FBXO44: variants seen among roughly 807,000 people sequenced by gnomAD.
FBXO44 encodes F-box protein 44, also known as F-box only protein 44.
FBXO44 carries 25 observed loss-of-function variants against 33.5 expected under a neutral mutation model. That is an observed-to-expected ratio of 0.75 (90% CI 0.54 to 1.04). The LOEUF (loss-of-function observed/expected upper bound fraction) is 1.04. FBXO44 is among the 50% of genes least tolerant of loss of function. The pLI, the probability that FBXO44 is intolerant of heterozygous loss-of-function variation, is 0.00. For synonymous variants in FBXO44, 147 were observed against 152.8 expected (o/e 0.96, Z 0.28); for missense variants, 311 against 344.0 (o/e 0.90, Z 0.76).
Position 11,658,356 on chromosome 1 carries a change from A to T in FBXO44, c.355A>T (p.Asn119Tyr). Residue 119 changes from asparagine to tyrosine, a missense_variant, in exon 3 of 6, where the codon AAT becomes TAT. By Grantham distance (143) the Asn-to-Tyr change is moderately radical (BLOSUM62 -2). Transcript: ENST00000251547. The stretch of plus-strand genomic sequence containing the variant: ...TCGAGACCAGAGGAAGGAATTCCCC[A>T]ATGACCAGGTCAAGAAATACTTCGT... The part of the protein sequence containing the change: ...LSRDQRKEFP[N>Y]DQVKKYFVTS... The T allele has an allele frequency of 6.2e-7, 1 of 1,613,624 alleles. No homozygotes were observed.
chr1:11,658,013 C>T (rs565633059), intron 2 of FBXO44, among the ~76,000 whole-genome samples: 4 of 152,318 alleles, frequency 2.6e-5, no homozygotes, highest in South Asian at 4.1e-4. Flanking sequence ...CACATCAGAG[C>T]GTTCTCCATC....
chr1:11,656,812 G>A (rs141369049), intron 2 of FBXO44, among the ~76,000 whole-genome samples: 98 of 152,258 alleles, frequency 6.4e-4, no homozygotes, highest in African/African-American at 2.3e-3. Context: ...CCTAGGCGAG[G>A]GAATGTTGGC....
intron 5 of FBXO44, among the ~76,000 whole-genome samples, chr1:11,659,442 G>A (rs1640043410): frequency 6.6e-6 from 1 of 152,158 alleles, no homozygotes; most frequent in African/African-American, 2.4e-5. Flanking sequence ...CTAATTACTA[G>A]TATTGATTAC....
At position 11,655,883 on chromosome 1, in the gene FBXO44, G is replaced by A. The variant is rs1446640793; in HGVS notation, c.48G>A (p.Glu16=). Reference sequence around the variant, plus strand: ...AGCTGCCCGAGAACATCCTGCTGGAGCTGTTCACGCACGTGCCCGCCCGCC... The same window carrying A: ...AGCTGCCCGAGAACATCCTGCTGGAACTGTTCACGCACGTGCCCGCCCGCC... ...INELPENILL[E]LFTHVPARQL... Residue 16 remains glutamate (E), a synonymous_variant, in exon 2 of 6, where the codon GAG becomes GAA. Coordinates refer to ENST00000251547, the MANE Select transcript of FBXO44 (RefSeq NM_033182.7). 6.8e-6 allele frequency: 11 copies of A among 1,613,870 alleles called. No individual in the cohort carries two copies. Among genetic ancestry groups the A allele is most frequent in the Admixed American group, 1.7e-5 (1 of 59,996 alleles).
rs978377802 is a variant in FBXO44, at chr1:11,662,016, T to C, written c.*743T>C. On this transcript the variant is annotated 3_prime_UTR_variant, in exon 6 of 6. Coordinates refer to ENST00000251547, the MANE Select transcript of FBXO44 (RefSeq NM_033182.7). The stretch of plus-strand genomic sequence containing the variant: ...GTCCCAGGGTAGATGGGGAGCAGGA[T>C]TGGGACCTGCTCTGACAGCTGGACA... The C allele has an allele frequency of 1.3e-4, 20 of 152,240 alleles. No homozygotes were observed. Among genetic ancestry groups the C allele is most frequent in the African/African-American group, 4.8e-4 (20 of 41,412 alleles). The allele number at this position is 152,240 out of a possible 1,614,324, so 9.4% of individuals were successfully genotyped here. A position where few individuals can be genotyped will look rare whatever the true frequency, so the allele number is the denominator to read the frequency against.
In FBXO44 at chr1:11,662,026, C is replaced by T. The variant is rs1428917188; in HGVS notation, c.*753C>T. 6.6e-6 allele frequency: 1 copy of T among 152,270 alleles called. No homozygotes were observed. The highest frequency in any genetic ancestry group is 2.4e-5 in the African/African-American group (1 of 41,442). 9.4% of individuals were successfully genotyped at this position (152,270 alleles called of 1,614,324 possible). ...AGATGGGGAGCAGGATTGGGACCTG[C>T]TCTGACAGCTGGACACATGAGCCCT... is the stretch of plus-strand genomic sequence containing the variant. On this transcript the variant is annotated 3_prime_UTR_variant, in exon 6 of 6. Transcript: ENST00000251547.
intron 4 of FBXO44, 27 bp downstream of exon 4, chr1:11,658,655 G>C (rs1639976647): frequency 6.2e-7 from 1 of 1,608,368 alleles, no homozygotes; most frequent in African/African-American, 1.3e-5. Flanking sequence ...AGGGTCTGGG[G>C]TGGGGCATGC....
chr1:11,657,340 G>A (rs527799018), intron 2 of FBXO44, among the ~76,000 whole-genome samples: 1 of 152,286 alleles, frequency 6.6e-6, no homozygotes, highest in Non-Finnish European at 1.5e-5. Flanking sequence ...AGACAACTGA[G>A]GCTCAGAGAG....
Position 11,654,964 on chromosome 1 carries a change from G to T in FBXO44, c.-31+12G>T, listed in dbSNP as rs1265171585. ...GCGGCCGAGCGCAGGTGACCGGCAG[G>T]AGGGGGCGCGGGGGGCGCTGGGGAG... On this transcript the variant is annotated intron_variant, in intron 1 of 5. Coordinates refer to ENST00000251547, the MANE Select transcript of FBXO44 (RefSeq NM_033182.7). 1 of 150,108 alleles carries T rather than the reference G, an allele frequency of 6.7e-6. No homozygotes were observed. Among genetic ancestry groups the T allele is most frequent in the African/African-American group, 2.5e-5 (1 of 40,620 alleles). 9.3% of individuals were successfully genotyped at this position (150,108 alleles called of 1,614,324 possible). A position where few individuals can be genotyped will look rare whatever the true frequency, so the allele number is the denominator to read the frequency against.
chr1:11,661,594 G>A lies in FBXO44; in HGVS notation c.*321G>A. The A allele has an allele frequency of 1.3e-5, 5 of 388,160 alleles. No homozygotes were observed. The highest frequency in any genetic ancestry group is 4.7e-6 in the Non-Finnish European group (1 of 214,204). The allele number at this position is 388,160 out of a possible 1,614,324, so 24.0% of individuals were successfully genotyped here. On this transcript the variant is annotated 3_prime_UTR_variant, in exon 6 of 6. Coordinates refer to ENST00000251547, the MANE Select transcript of FBXO44 (RefSeq NM_033182.7). This position sits in a 1 kb window ranked among gnomAD's most constrained non-coding sequence, Gnocchi z 4.4. Reference sequence around the variant, plus strand: ...GAAAGTCGAGCTTGGAGGCCAGCCTGGATCTGTCTCTCCCTTCCCCTCCTG... The same window carrying A: ...GAAAGTCGAGCTTGGAGGCCAGCCTAGATCTGTCTCTCCCTTCCCCTCCTG...
Position 11,661,410 on chromosome 1 carries a change from G to T in FBXO44, c.*137G>T. 7.4e-7 allele frequency: 1 copy of T among 1,343,066 alleles called. No homozygotes were observed. The highest frequency in any genetic ancestry group is 2.4e-5 in the East Asian group (1 of 41,954). 83.2% of individuals were successfully genotyped at this position (1,343,066 alleles called of 1,614,324 possible). A position where few individuals can be genotyped will look rare whatever the true frequency, so the allele number is the denominator to read the frequency against. On this transcript the variant is annotated 3_prime_UTR_variant, in exon 6 of 6. Coordinates refer to ENST00000251547, the MANE Select transcript of FBXO44 (RefSeq NM_033182.7). The surrounding 1 kb of genome is among the most constrained non-coding windows in gnomAD (Gnocchi z 4.4). ...TTGCCCCTAGCAGCCTCTTCTTTGT[G>T]GAGCCTCTCAGTGTGGGCAGCCCTC...
rs1044642175 is a variant in FBXO44, at chr1:11,658,819, T to G, written c.572T>G (p.Phe191Cys). Reference sequence around the variant, plus strand: ...TCCGCGCACGCGCCTCTGGGGACCTTCCAGCCAGACCCGGCGACCATCCAG... The same window carrying G: ...TCCGCGCACGCGCCTCTGGGGACCTGCCAGCCAGACCCGGCGACCATCCAG... ...LSSAHAPLGTFQPDPATIQQK... is the reference protein window; with the variant it reads ...LSSAHAPLGTCQPDPATIQQK... The change falls in exon 5 of 6, where the codon TTC becomes TGC. Residue 191 changes from phenylalanine (F) to cysteine (C), a missense_variant. Phe to Cys is a radical substitution (Grantham distance 205, BLOSUM62 -2). Coordinates refer to ENST00000251547, the MANE Select transcript of FBXO44 (RefSeq NM_033182.7). 8.1e-6 allele frequency: 13 copies of G among 1,613,138 alleles called. No individual in the cohort carries two copies. Among genetic ancestry groups the G allele is most frequent in the Non-Finnish European group, 1.1e-5 (13 of 1,179,988 alleles).
In FBXO44 at chr1:11,658,790, G is replaced by A. The variant is rs763495084; in HGVS notation, c.543G>A (p.Leu181=). 41 of 1,613,822 alleles carry A rather than the reference G, an allele frequency of 2.5e-5. No homozygotes were observed. Among genetic ancestry groups the A allele is most frequent in the Non-Finnish European group, 3.3e-5 (39 of 1,180,014 alleles). ...AGTACCAGCTGTGCGTTCAGCTCCT[G>A]TCGTCCGCGCACGCGCCTCTGGGGA... ...GSKYQLCVQL[L]SSAHAPLGTF... Residue 181 remains leucine (L), a synonymous_variant, in exon 5 of 6, where the codon CTG becomes CTA. Coordinates refer to ENST00000251547, the MANE Select transcript of FBXO44 (RefSeq NM_033182.7).
At chr1:11,656,611 G>A (rs1379220669) in intron 2 of FBXO44, among the ~76,000 whole-genome samples, 8 of 141,000 alleles carry the variant, frequency 5.7e-5, no homozygotes, top group East Asian at 1.9e-4. Context: ...ACCGGTGCCC[G>A]CCACCACGCC....
chr1:11,656,464 A>AT lies in FBXO44; in HGVS notation c.265+380dup, dbSNP rs35902161. On this transcript the variant is annotated intron_variant, in intron 2 of 5. Coordinates refer to ENST00000251547, the MANE Select transcript of FBXO44 (RefSeq NM_033182.7). ...AGGCATGTGCCACCACACCTGGCTA[A>AT]TTTTTTTTTTTTTTTTAGATGGAGT... Among the ~76,000 whole-genome samples the AT allele has an allele frequency of 7.0e-4, 100 of 141,922 alleles. 2 individuals are homozygous for AT. Among genetic ancestry groups the AT allele is most frequent in the South Asian group, 3.2e-3 (14 of 4,398 alleles). The allele number at this position is 141,922 out of a possible 152,430, so 93.1% of individuals were successfully genotyped here.
At position 11,662,049 on chromosome 1, in the gene FBXO44, C is replaced by T. The variant is rs1230188350; in HGVS notation, c.*776C>T. The T allele has an allele frequency of 2.0e-5, 3 of 152,228 alleles. No homozygotes were observed. The highest frequency in any genetic ancestry group is 4.4e-5 in the Non-Finnish European group (3 of 68,098). The allele number at this position is 152,228 out of a possible 1,614,324, so 9.4% of individuals were successfully genotyped here. Reference sequence around the variant, plus strand: ...TGCTCTGACAGCTGGACACATGAGCCCTGGATGAGTATGGTAGGGGGTTTG... The same window carrying T: ...TGCTCTGACAGCTGGACACATGAGCTCTGGATGAGTATGGTAGGGGGTTTG... On this transcript the variant is annotated 3_prime_UTR_variant, in exon 6 of 6. Transcript: ENST00000251547.
At chr1:11,656,240 A>G (rs1029969163) in intron 2 of FBXO44, 140 bp downstream of exon 2, 45 of 1,150,650 alleles carry the variant, frequency 3.9e-5, no homozygotes, top group Non-Finnish European at 4.6e-5. Context: ...AGAGGTAGCT[A>G]CTGTTAGTGC....
intron 2 of FBXO44, among the ~76,000 whole-genome samples, chr1:11,657,108 A>G (rs76901082): frequency 0.013 from 1,982 of 152,324 alleles, 52 homozygotes; most frequent in African/African-American, 0.045. Context: ...CAAAATGATA[A>G]TAAAACCACT....
Position 11,661,311 on chromosome 1 carries a change from A to G in FBXO44, c.*38A>G. 1 of 1,612,294 alleles carries G rather than the reference A, an allele frequency of 6.2e-7. No individual in the cohort carries two copies. Among genetic ancestry groups the G allele is most frequent in the Admixed American group, 1.7e-5 (1 of 59,918 alleles). On this transcript the variant is annotated 3_prime_UTR_variant, in exon 6 of 6. Transcript: ENST00000251547. This position sits in a 1 kb window ranked among gnomAD's most constrained non-coding sequence, Gnocchi z 4.4. ...CCCCATCTGCTGAACCCTGACTGGT[A>G]AACAACTGCTGTCAGAAAAGGGCTG...
Sources: allele counts gnomAD v4.1 joint callset (sites outside exome capture counted in the v4.1 genomes callset), GRCh38; gene constraint gnomAD v4.1.1; non-coding constraint Gnocchi (gnomAD v3.1); transcripts MANE v1.5; gene names NCBI Gene and HGNC (gene_info 2026-07-23, HGNC 2026-07-21).